Variants in CHRAC1 observed in about 807,000 individuals in gnomAD.
CHRAC1 encodes the protein chromatin accessibility complex subunit 1, also known as chromatin accessibility complex protein 1.
In CHRAC1, 6 loss-of-function variants were observed where a neutral mutation model predicts 9.1. The ratio of observed to expected loss-of-function variants is 0.66; its 90% confidence interval spans 0.36 to 1.29. CHRAC1 has a LOEUF of 1.29. Among genes scored for constraint, CHRAC1 ranks in the 50% most tolerant of loss-of-function variants. The pLI is 0.03. For synonymous variants in CHRAC1, 73 were observed against 64.5 expected (o/e 1.13, Z -0.63); for missense variants, 168 against 163.5 (o/e 1.03, Z -0.15).
intron 1 of CHRAC1, among the ~76,000 whole-genome samples, chr8:140,512,864 C>T (rs1251413904): frequency 1.3e-5 from 2 of 152,222 alleles, no homozygotes; most frequent in Admixed American, 6.5e-5. Flanking sequence ...GTTTCCCAGG[C>T]TGGAGTGCGG....
chr8:140,514,923 T>C (rs7840463), intron 2 of CHRAC1: 33 of 500,610 alleles, frequency 6.6e-5, no homozygotes, highest in African/African-American at 3.9e-4. Context: ...TTTGTACTCA[T>C]TGGACTGGAA....
chr8:140,511,972 C>A, intron 1 of CHRAC1: 1 of 1,296,208 alleles, frequency 7.7e-7, no homozygotes, highest in Non-Finnish European at 1.0e-6. Context: ...ACCTTCGCCC[C>A]GCCCACCCCA....
intron 1 of CHRAC1, among the ~76,000 whole-genome samples, chr8:140,513,802 C>T (rs1377293694): frequency 6.6e-6 from 1 of 150,636 alleles, no homozygotes; most frequent in Non-Finnish European, 1.5e-5. Flanking sequence ...TCATCTTTTT[C>T]GTAAGTTAGA....
At position 140,514,318 on chromosome 8, in the gene CHRAC1, T is replaced by C. The variant is rs768580193; in HGVS notation, c.148-51T>C. On this transcript the variant is annotated intron_variant, in intron 1 of 2. Transcript: ENST00000220913. ...ATGTAATTTTAAAAATTAATTTCTG[T>C]GGTACATTTTCAAAGCACACCTTTC... 59 of 1,552,344 alleles carry C rather than the reference T, an allele frequency of 3.8e-5. No individual in the cohort carries two copies. In the Admixed American group the frequency reaches 9.7e-4, roughly 26 times the overall value.
At chr8:140,511,718 C>T in intron 1 of CHRAC1, 72 bp downstream of exon 1, 1 of 1,244,296 alleles carries the variant, frequency 8.0e-7, no homozygotes, top group Middle Eastern at 2.6e-4. Context: ...CTGGGCACTG[C>T]CCAGTCCCCT....
Position 140,514,350 on chromosome 8 carries a change from A to G in CHRAC1, c.148-19A>G. 6.4e-7 allele frequency: 1 copy of G among 1,565,718 alleles called. No individual in the cohort carries two copies. The highest frequency in any genetic ancestry group is 8.6e-7 in the Non-Finnish European group (1 of 1,166,194). ...TTTTCAAAGCACACCTTTCATTTGCATTTTTCATTTTGTTCTAGGAGCTCT... is the reference window on the plus strand; with the variant it reads ...TTTTCAAAGCACACCTTTCATTTGCGTTTTTCATTTTGTTCTAGGAGCTCT... On this transcript the variant is annotated intron_variant, in intron 1 of 2. Transcript: ENST00000220913.
chr8:140,512,125 C>A (rs1184003822), intron 1 of CHRAC1: 4 of 825,574 alleles, frequency 4.8e-6, no homozygotes, highest in Non-Finnish European at 6.8e-6. Context: ...TACCCGTGGG[C>A]GTCGGCGCCT....
intron 1 of CHRAC1, among the ~76,000 whole-genome samples, chr8:140,512,426 G>A (rs1487860751): frequency 2.0e-5 from 3 of 152,182 alleles, no homozygotes; most frequent in Non-Finnish European, 4.4e-5. Context: ...GGAAGTCCGG[G>A]GAACTTAAGT....
intron 2 of CHRAC1, 73 bp from the exon 3 acceptor site, chr8:140,515,053 C>G: frequency 1.4e-6 from 2 of 1,443,612 alleles, no homozygotes; most frequent in Non-Finnish European, 1.9e-6. Flanking sequence ...GGAACTAGTA[C>G]ATTTTGAAAT....
chr8:140,514,144 G>A (rs1213094739), intron 1 of CHRAC1: 1 of 362,402 alleles, frequency 2.8e-6, no homozygotes, highest in Non-Finnish European at 4.9e-6. Flanking sequence ...GACCTCAAGT[G>A]AGCCGCCTGC....
At chr8:140,514,155 C>T (rs916086211) in intron 1 of CHRAC1, 2 of 392,510 alleles carry the variant, frequency 5.1e-6, no homozygotes, top group Non-Finnish European at 8.8e-6. Flanking sequence ...AGCCGCCTGC[C>T]TCAGCCTCCC....
At position 140,516,694 on chromosome 8, in the gene CHRAC1, A is replaced by G. The variant is rs1176902986; in HGVS notation, c.*1447A>G. 6.6e-6 allele frequency: 1 copy of G among 152,186 alleles called. No homozygotes were observed. The highest frequency in any genetic ancestry group is 1.9e-4 in the East Asian group (1 of 5,202). 9.4% of individuals were successfully genotyped at this position (152,186 alleles called of 1,614,324 possible). A position where few individuals can be genotyped will look rare whatever the true frequency, so the allele number is the denominator to read the frequency against. On this transcript the variant is annotated 3_prime_UTR_variant, in exon 3 of 3. Transcript: ENST00000220913. Reference sequence around the variant, plus strand: ...ATTTATTTTAAAATAAAATATTTTAAAATCTACTTTTTGGTGTACAGTTCT... The same window carrying G: ...ATTTATTTTAAAATAAAATATTTTAGAATCTACTTTTTGGTGTACAGTTCT...
chr8:140,514,931 G>T (rs1241589510), intron 2 of CHRAC1, 195 bp from the exon 3 acceptor site: 1 of 528,000 alleles, frequency 1.9e-6, no homozygotes. Flanking sequence ...CATTGGACTG[G>T]AAAGAGGCCT....
At chr8:140,511,743 G>T in intron 1 of CHRAC1, 97 bp downstream of exon 1, 1 of 1,120,570 alleles carries the variant, frequency 8.9e-7, no homozygotes, top group Non-Finnish European at 1.1e-6. Flanking sequence ...CCCGCGCGCC[G>T]CCGGCTGCTC....
chr8:140,513,370 A>G (rs2072300156), intron 1 of CHRAC1, among the ~76,000 whole-genome samples: 1 of 152,268 alleles, frequency 6.6e-6, no homozygotes, highest in Non-Finnish European at 1.5e-5. Flanking sequence ...GTGTATGCAA[A>G]TAGAAGACTA....
At chr8:140,514,817 C>A (rs7818998) in intron 2 of CHRAC1, 2 of 362,726 alleles carry the variant, frequency 5.5e-6, no homozygotes, top group Non-Finnish European at 1.0e-5. Context: ...TCTACATGGC[C>A]GTAGTTAGAG....
intron 2 of CHRAC1, 79 bp from the exon 3 acceptor site, chr8:140,515,047 C>T (rs1254733155): frequency 7.3e-7 from 1 of 1,373,826 alleles, no homozygotes; most frequent in African/African-American, 1.4e-5. Flanking sequence ...AAAGCAGGAA[C>T]TAGTACATTT....
chr8:140,513,385 G>A lies in CHRAC1; in HGVS notation c.148-984G>A, dbSNP rs139888204. ...GTGTATGCAAATAGAAGACTAAAAA[G>A]GTATTCCTGAGCCAAATAGAATTTT... On this transcript the variant is annotated intron_variant, in intron 1 of 2. Transcript: ENST00000220913. Among the ~76,000 whole-genome samples the A allele has an allele frequency of 5.9e-3, 903 of 152,334 alleles. 5 individuals carry two copies. The highest frequency in any genetic ancestry group is 0.014 in the Middle Eastern group (4 of 294).
intron 1 of CHRAC1, among the ~76,000 whole-genome samples, chr8:140,513,913 CTT>C (rs57880666): frequency 1.5e-4 from 13 of 87,480 alleles, no homozygotes; most frequent in Non-Finnish European, 2.4e-4. Flanking sequence ...CCAGTGATTT[CTT>C]TTTTTTTTTT....
Sources: allele counts gnomAD v4.1 joint callset (sites outside exome capture counted in the v4.1 genomes callset), GRCh38; gene constraint gnomAD v4.1.1; transcripts MANE v1.5; gene names NCBI Gene and HGNC (gene_info 2026-07-23, HGNC 2026-07-21).